KMT2C: variants seen among roughly 807,000 people sequenced by gnomAD.
The protein encoded by KMT2C is histone-lysine N-methyltransferase 2C.
A neutral mutation model predicts 507.9 loss-of-function variants in KMT2C; 88 were observed. The ratio of observed to expected loss-of-function variants is 0.17; its 90% CI spans 0.15 to 0.21. KMT2C has a LOEUF of 0.21. KMT2C is among the 10% of genes least tolerant of loss of function. The pLI is 1.00. For missense variants in KMT2C, 4,954 were observed against 5,957.8 expected (o/e 0.83, Z 5.55); for synonymous variants, 2,049 against 2,080.8 (o/e 0.98, Z 0.42).
At chr7:152,421,762 A>T (rs868864714) in intron 1 of KMT2C, among the ~76,000 whole-genome samples, 22 of 152,290 alleles carry the variant, frequency 1.4e-4, no homozygotes, top group Middle Eastern at 6.8e-3. Context: ...GAAGTTGAGG[A>T]TCCAAAAACT....
At chr7:152,287,547 A>G (rs1374843441) in intron 6 of KMT2C, among the ~76,000 whole-genome samples, 2 of 152,232 alleles carry the variant, frequency 1.3e-5, no homozygotes, top group Non-Finnish European at 2.9e-5. Flanking sequence ...AATAAAATGC[A>G]GAGCTTCATA....
intron 2 of KMT2C, among the ~76,000 whole-genome samples, chr7:152,337,543 T>C (rs549564690): frequency 6.6e-6 from 1 of 152,338 alleles, no homozygotes; most frequent in Admixed American, 6.5e-5. Flanking sequence ...GTGTCTGCTG[T>C]GTTAGTTAAA....
chr7:152,221,098 A>G lies in KMT2C; in HGVS notation c.3500-363T>C, dbSNP rs28538045. ...CAGTGAAACCCTGTCTCTTCTAAAA[A>G]TACAACAAATTAGCCAGGCGTGGTG... On this transcript the variant is annotated intron_variant, in intron 22 of 58. Transcript: ENST00000262189. Among the ~76,000 whole-genome samples the G allele has an allele frequency of 1.4e-3, 210 of 152,290 alleles. 2 individuals are homozygous for G. Among genetic ancestry groups the G allele is most frequent in the African/African-American group, 4.9e-3 (202 of 41,562 alleles).
intron 46 of KMT2C, chr7:152,154,783 C>A (rs557110951): frequency 1.6e-5 from 3 of 184,648 alleles, no homozygotes; most frequent in Non-Finnish European, 3.3e-5. Flanking sequence ...TAGGGCAGCA[C>A]TCCTGCAGCT....
At chr7:152,208,732 T>C (rs1424394979) in intron 23 of KMT2C, among the ~76,000 whole-genome samples, 2 of 152,210 alleles carry the variant, frequency 1.3e-5, no homozygotes, top group Non-Finnish European at 2.9e-5. Context: ...TTCAATATTC[T>C]CAGTATTAGA....
chr7:152,252,654 A>T lies in KMT2C; in HGVS notation c.1361T>A (p.Leu454Gln). Residue 454 changes from leucine to glutamine, a missense_variant, in exon 10 of 59, where the codon CTG becomes CAG. By Grantham distance (113) the Leu-to-Gln change is moderately radical. Coordinates refer to ENST00000262189, the MANE Select transcript of KMT2C (RefSeq NM_170606.3). ...CTGTTGGTAACAATTGTCACATATC[A>T]GGCAATTGTGGTGCCACTGAGAACT... ...RSSSQWHHNC[L>Q]ICDNCYQQQD... The T allele has an allele frequency of 6.2e-7, 1 of 1,612,206 alleles. No individual in the cohort carries two copies. The highest frequency in any genetic ancestry group is 8.5e-7 in the Non-Finnish European group (1 of 1,178,338).
chr7:152,266,119 A>T (rs2129174117), intron 7 of KMT2C, among the ~76,000 whole-genome samples: 1 of 152,374 alleles, frequency 6.6e-6, no homozygotes, highest in East Asian at 1.9e-4. Context: ...TGAAGGTTTG[A>T]TCATTCCTAT....
At chr7:152,145,387 T>A in intron 53 of KMT2C, 92 bp from the exon 54 acceptor site, 1 of 1,280,184 alleles carries the variant, frequency 7.8e-7, no homozygotes, top group Non-Finnish European at 1.1e-6. Flanking sequence ...ACGACAGAAA[T>A]AACTCATCAG....
chr7:152,409,096 G>A (rs62494134), intron 1 of KMT2C, among the ~76,000 whole-genome samples: 12 of 149,562 alleles, frequency 8.0e-5, no homozygotes, highest in South Asian at 4.3e-4. Context: ...CTTGACCTCC[G>A]GAGCTCAACC....
chr7:152,140,861 AGT>A (rs1361132002), intron 55 of KMT2C, among the ~76,000 whole-genome samples: 1 of 152,236 alleles, frequency 6.6e-6, no homozygotes, highest in Non-Finnish European at 1.5e-5. Context: ...ACAACTCACA[AGT>A]GAATGAACCA....
chr7:152,180,105 T>C lies in KMT2C; in HGVS notation c.7171A>G (p.Ile2391Val). 4 of 1,614,140 alleles carry C rather than the reference T, an allele frequency of 2.5e-6. No individual in the cohort carries two copies. The highest frequency in any genetic ancestry group is 3.4e-6 in the Non-Finnish European group (4 of 1,179,982). ...LRQRQKLREIILQQQQQKKIA... is the reference protein window; with the variant it reads ...LRQRQKLREIVLQQQQQKKIA... ...TTCTTCTGCTGTTGCTGCTGGAGAA[T>C]GATTTCACGTAACTTCTGCCGCTAA... Residue 2391 changes from isoleucine to valine, a missense_variant, in exon 37 of 59, where the codon ATT becomes GTT. Ile to Val is a conservative substitution (Grantham distance 29). Coordinates refer to ENST00000262189, the MANE Select transcript of KMT2C (RefSeq NM_170606.3).
Position 152,180,048 on chromosome 7 carries a change from C to A in KMT2C, c.7228G>T (p.Asp2410Tyr), listed in dbSNP as rs1250539951. The change falls in exon 37 of 59, where the codon GAC becomes TAC. Residue 2410 changes from aspartate to tyrosine, a missense_variant. By Grantham distance (160) the Asp-to-Tyr change is radical. Transcript: ENST00000262189. ...CCTGGATGAGGCACTGCGGGTGAGT[C>A]CTGTGACCCCTTCTCCTGTCGACCT... ...IAGRQEKGSQDSPAVPHPGPL... is the reference protein window; with the variant it reads ...IAGRQEKGSQYSPAVPHPGPL... 6.2e-7 allele frequency: 1 copy of A among 1,614,018 alleles called. No homozygotes were observed. The highest frequency in any genetic ancestry group is 1.3e-5 in the African/African-American group (1 of 74,910).
Position 152,135,988 on chromosome 7 carries a change from GC to G in KMT2C, c.*843del. The stretch of plus-strand genomic sequence containing the variant: ...TAACATCCCTATGAACATTTTATAA[GC>G]CCCCGAGCTGCTGCAGAGCCTGGTA... On this transcript the variant is annotated 3_prime_UTR_variant, in exon 59 of 59. Transcript: ENST00000262189. The G allele has an allele frequency of 4.4e-6, 1 of 226,136 alleles. No individual in the cohort carries two copies. Among genetic ancestry groups the G allele is most frequent in the Non-Finnish European group, 8.8e-6 (1 of 113,524 alleles). 14.0% of individuals were successfully genotyped at this position (226,136 alleles called of 1,614,324 possible).
intron 1 of KMT2C, chr7:152,367,384 G>A (rs2097256134): frequency 4.3e-6 from 3 of 698,170 alleles, no homozygotes; most frequent in Non-Finnish European, 7.5e-6. Flanking sequence ...ACCCCCGGCT[G>A]GCACCAGCAT....
At chr7:152,220,813 T>C (rs1412893255) in intron 22 of KMT2C, 78 bp from the exon 23 acceptor site, 19 of 1,039,970 alleles carry the variant, frequency 1.8e-5, no homozygotes, top group Admixed American at 1.2e-4. Context: ...AAAATACCCA[T>C]GTCAAGGGAA....
rs751799633 is a variant in KMT2C at position 152,330,689 on chromosome 7, T to A, written c.301A>T (p.Ser101Cys). 3.1e-6 allele frequency: 5 copies of A among 1,613,888 alleles called. No homozygotes were observed. The highest frequency in any genetic ancestry group is 4.2e-6 in the Non-Finnish European group (5 of 1,179,874). The change falls in exon 3 of 59, where the codon AGC becomes TGC. Residue 101 changes from serine (S) to cysteine (C), a missense_variant. Physicochemically the swap from Ser to Cys is moderately radical, Grantham distance 112 (BLOSUM62 -1). Transcript: ENST00000262189. ...TGAAGAGTTGGAATTAGCTGTTTGC[T>A]GTTATCCACTTCTGCTTCAGCATCC... Reference protein sequence around the residue: ...EEDAEAEVDNSKQLIPTLQRS... With the variant: ...EEDAEAEVDNCKQLIPTLQRS...
chr7:152,159,666 GGA>G (rs2092328168), intron 43 of KMT2C, among the ~76,000 whole-genome samples: 1 of 152,136 alleles, frequency 6.6e-6, no homozygotes. Context: ...AAAGTCAATG[GGA>G]GAGAACGTAG....
Position 152,163,378 on chromosome 7 carries a change from C to T in KMT2C, c.10199G>A (p.Arg3400His), listed in dbSNP as rs942000976. 3 of 1,614,200 alleles carry T rather than the reference C, an allele frequency of 1.9e-6. No individual in the cohort carries two copies. The highest frequency in any genetic ancestry group is 2.2e-5 in the South Asian group (2 of 91,084). ...TTGCTGTTCTCGTAAACGTTCCTTA[C>T]GTTCCCGTTCTTGAAAACTTTCACT... is the stretch of plus-strand genomic sequence containing the variant. ...PFSESFQERE[R>H]KERLREQQER... The change falls in exon 43 of 59, where the codon CGT (arginine) becomes CAT (histidine). Residue 3400 changes from arginine to histidine, a missense_variant. Physicochemically the swap from Arg to His is conservative, Grantham distance 29. Around this residue, in one of 29 missense-constraint regions of KMT2C, gnomAD observed 801 missense variants for 751.2 expected, o/e 1.07. Transcript: ENST00000262189.
chr7:152,393,465 T>C (rs568760383), intron 1 of KMT2C, among the ~76,000 whole-genome samples: 34 of 152,280 alleles, frequency 2.2e-4, no homozygotes, highest in Admixed American at 6.5e-4. Flanking sequence ...AAACAGACTA[T>C]TAGTTACCTA....
Sources: gnomAD v4.1 joint callset for allele counts (sites outside exome capture counted in the v4.1 genomes callset) on GRCh38, gnomAD v4.1.1 for gene constraint, gnomAD v4.1.1 regional missense constraint, MANE v1.5 for transcripts, NCBI Gene and HGNC (gene_info 2026-07-23, HGNC 2026-07-21) for gene names.